SARS1: variants seen among roughly 807,000 people sequenced by gnomAD.
SARS1 encodes the protein serine--tRNA ligase, cytoplasmic.
A neutral mutation model predicts 63.7 loss-of-function variants in SARS1; 25 were observed. The ratio of observed to expected loss-of-function variants is 0.39; its 90% CI spans 0.29 to 0.55. SARS1 has a LOEUF of 0.55. Ranked by LOEUF, SARS1 falls within the 20% of genes least tolerant of loss-of-function variation. The pLI, the probability that SARS1 is intolerant of heterozygous loss-of-function variation, is 0.62. For missense variants in SARS1, 417 were observed against 649.7 expected (o/e 0.64, Z 3.89); for synonymous variants, 231 against 243.5 (o/e 0.95, Z 0.48).
intron 1 of SARS1, among the ~76,000 whole-genome samples, chr1:109,221,966 G>T (rs1483701328): frequency 1.1e-3 from 21 of 18,594 alleles, no homozygotes; most frequent in African/African-American, 3.3e-3. Flanking sequence ...TTTTTTGTGT[G>T]TGTGTATATA....
intron 1 of SARS1, among the ~76,000 whole-genome samples, chr1:109,221,960 T>TTTTTTTTGTGTGTGTATA (rs771565091): frequency 9.9e-5 from 1 of 10,060 alleles, no homozygotes. Context: ...GCTAATTTTT[T>TTTTTTTTGTGTGTGTATA]TGTGTGTGTG....
rs1056307886 is a variant in SARS1, at chr1:109,228,244, A to G, written c.208-108A>G. On this transcript the variant is annotated intron_variant, in intron 2 of 10. Coordinates refer to ENST00000234677, the MANE Select transcript of SARS1 (RefSeq NM_006513.4). ...TATCTTTTAGAAAAATTTATGTAAG[A>G]AGTTCTGTGATTCATTTATATAATA... 22 of 823,886 alleles carry G rather than the reference A, an allele frequency of 2.7e-5. No homozygotes were observed. In the East Asian group the frequency reaches 5.8e-4, roughly 22 times the overall value. 51.0% of individuals were successfully genotyped at this position (823,886 alleles called of 1,614,324 possible).
intron 9 of SARS1, 50 bp downstream of exon 9, chr1:109,236,598 G>C (rs372551105): frequency 1.8e-5 from 28 of 1,576,044 alleles, no homozygotes; most frequent in Non-Finnish European, 2.3e-5. Context: ...TACACGGCCC[G>C]TCCGAATTAT....
intron 8 of SARS1, 115 bp from the exon 9 acceptor site, chr1:109,236,276 T>A: frequency 7.6e-7 from 1 of 1,313,176 alleles, no homozygotes; most frequent in Admixed American, 2.2e-5. Flanking sequence ...AATATCTGGG[T>A]GTGATTTCAC....
rs980354914 is a variant in SARS1, at chr1:109,237,149, G to A, written c.1258-95G>A. 4 of 1,516,304 alleles carry A rather than the reference G, an allele frequency of 2.6e-6. No homozygotes were observed. Among genetic ancestry groups the A allele is most frequent in the East Asian group, 4.5e-5 (2 of 44,208 alleles). The allele number at this position is 1,516,304 out of a possible 1,614,324, so 93.9% of individuals were successfully genotyped here. On this transcript the variant is annotated intron_variant, in intron 9 of 10. Transcript: ENST00000234677. This position sits in a 1 kb window ranked among gnomAD's most constrained non-coding sequence, Gnocchi z 4.1. The stretch of plus-strand genomic sequence containing the variant: ...CATCATTTTGATTTGGACAGTTGTG[G>A]TTGGGGAAGTCTGGTTGAATGGATG...
intron 1 of SARS1, chr1:109,215,335 G>T (rs1024688896): frequency 1.0e-6 from 1 of 985,346 alleles, no homozygotes; most frequent in Non-Finnish European, 1.2e-6. Flanking sequence ...TCAGATTTTT[G>T]TGTCAGTCCA....
intron 1 of SARS1, chr1:109,216,914 T>C: frequency 1.0e-6 from 1 of 985,332 alleles, no homozygotes; most frequent in Non-Finnish European, 1.2e-6. Context: ...TGAGTCACCA[T>C]GCCCAGGCTA....
chr1:109,237,318 CCAGA>C lies in SARS1; in HGVS notation c.1337_1340del (p.Thr446ArgfsTer10), dbSNP rs1655334181. ...CCATCTGCGCCATCCTGGAGAACTA[CCAGA>C]CAGAGAAGGGCATCACTGTGCCTGA... is the stretch of plus-strand genomic sequence containing the variant. On this transcript the variant is annotated frameshift_variant, in exon 10 of 11. Coordinates refer to ENST00000234677, the MANE Select transcript of SARS1 (RefSeq NM_006513.4). LOFTEE classifies it high-confidence loss of function. The surrounding 1 kb of genome is among the most constrained non-coding windows in gnomAD (Gnocchi z 4.1). The C allele has an allele frequency of 6.2e-7, 1 of 1,614,198 alleles. No homozygotes were observed.
chr1:109,229,632 G>A, intron 4 of SARS1, 60 bp downstream of exon 4: 1 of 1,536,868 alleles, frequency 6.5e-7, no homozygotes, highest in South Asian at 1.2e-5. Context: ...TGCAGGGGCG[G>A]GGACGGGAGG....
intron 1 of SARS1, chr1:109,216,384 A>G (rs552885072): frequency 1.0e-6 from 1 of 985,416 alleles, no homozygotes; most frequent in Non-Finnish European, 1.2e-6. Flanking sequence ...ACTTGGAGTG[A>G]TAATACCACA....
Position 109,233,822 on chromosome 1 carries a change from G to A in SARS1, c.748-1388G>A, listed in dbSNP as rs367760988. On this transcript the variant is annotated intron_variant, in intron 6 of 10. Transcript: ENST00000234677. ...AGTGATTCTCATGCCTCAGCCTCCC[G>A]AGTAGCTGGGATTACAGGCGTCGCC... is the stretch of plus-strand genomic sequence containing the variant. Among the ~76,000 whole-genome samples the A allele has an allele frequency of 2.9e-4, 42 of 147,180 alleles. No individual in the cohort carries two copies. In the South Asian group the frequency reaches 3.9e-3, roughly 14 times the overall value.
rs774705929 is a variant in SARS1, at chr1:109,235,275, C to T, written c.813C>T (p.Thr271=). ...ATGATGAGAAGTACCTGATTGCCAC[C>T]TCAGAGCAGCCCATTGCTGCCCTGC... ...NSYDEKYLIA[T]SEQPIAALHR... The change falls in exon 7 of 11, where the codon ACC becomes ACT. Residue 271 remains threonine (T), a synonymous_variant. Transcript: ENST00000234677. The surrounding 1 kb of genome is among the most constrained non-coding windows in gnomAD (Gnocchi z 4.7). 6.2e-7 allele frequency: 1 copy of T among 1,614,024 alleles called. No homozygotes were observed. Among genetic ancestry groups the T allele is most frequent in the African/African-American group, 1.3e-5 (1 of 74,904 alleles).
intron 6 of SARS1, among the ~76,000 whole-genome samples, chr1:109,233,190 A>G (rs1314466163): frequency 3.3e-5 from 5 of 151,742 alleles, no homozygotes; most frequent in South Asian, 2.1e-4. Flanking sequence ...TTAATTTCCT[A>G]TGTAGAGACA....
At position 109,238,068 on chromosome 1, in the gene SARS1, G is replaced by A. The variant is rs980572578; in HGVS notation, c.*180G>A. 1 of 662,232 alleles carries A rather than the reference G, an allele frequency of 1.5e-6. No individual in the cohort carries two copies. The highest frequency in any genetic ancestry group is 3.9e-4 in the Middle Eastern group (1 of 2,534). 41.0% of individuals were successfully genotyped at this position (662,232 alleles called of 1,614,324 possible). ...TCCTGTCTCCTCGCATGGGCATAGG[G>A]ACCCATCATTGATGACTGATGAAAC... is the stretch of plus-strand genomic sequence containing the variant. On this transcript the variant is annotated 3_prime_UTR_variant, in exon 11 of 11. Coordinates refer to ENST00000234677, the MANE Select transcript of SARS1 (RefSeq NM_006513.4).
Position 109,213,928 on chromosome 1 carries a change from G to T in SARS1, c.-65G>T, listed in dbSNP as rs752647706. ...GGTCAGCGCGCCGGCGCAGTGCGGCGGTCACAGGCTGAGTGCTGCGGCGCG... is the reference window on the plus strand; with the variant it reads ...GGTCAGCGCGCCGGCGCAGTGCGGCTGTCACAGGCTGAGTGCTGCGGCGCG... On this transcript the variant is annotated 5_prime_UTR_variant, in exon 1 of 11. Coordinates refer to ENST00000234677, the MANE Select transcript of SARS1 (RefSeq NM_006513.4). The T allele has an allele frequency of 1.3e-6, 2 of 1,504,364 alleles. No homozygotes were observed. The highest frequency in any genetic ancestry group is 1.8e-6 in the Non-Finnish European group (2 of 1,122,752). The allele number at this position is 1,504,364 out of a possible 1,614,324, so 93.2% of individuals were successfully genotyped here. A position where few individuals can be genotyped will look rare whatever the true frequency, so the allele number is the denominator to read the frequency against.
At position 109,221,995 on chromosome 1, in the gene SARS1, TATATA is replaced by T. The variant is rs1654945906; in HGVS notation, c.137-1982_137-1978del. Among the ~76,000 whole-genome samples, 4 of 26,660 alleles carry T rather than the reference TATATA, an allele frequency of 1.5e-4. 2 individuals carry two copies. Among genetic ancestry groups the T allele is most frequent in the Non-Finnish European group, 2.3e-4 (4 of 17,412 alleles). 17.5% of individuals were successfully genotyped at this position (26,660 alleles called of 152,430 possible). A position where few individuals can be genotyped will look rare whatever the true frequency, so the allele number is the denominator to read the frequency against. On this transcript the variant is annotated intron_variant, in intron 1 of 10. Transcript: ENST00000234677. ...GTATATATATATATATATATATATA[TATATA>T]TATATATATATTTTTTTTTTTTTTT...
chr1:109,228,640 C>T (rs1263177727), intron 3 of SARS1, among the ~76,000 whole-genome samples: 2 of 152,128 alleles, frequency 1.3e-5, no homozygotes, highest in East Asian at 1.9e-4. Flanking sequence ...GTGGGAGAGT[C>T]GGAGAGTCAA....
At position 109,225,461 on chromosome 1, in the gene SARS1, C is replaced by T. The variant is rs2101192860; in HGVS notation, c.207+1413C>T. ...ACTCCTCCCTGGGTGTTCTTTGGGA[C>T]CTATGTACAGTCAGTGCCAGCTGGG... On this transcript the variant is annotated intron_variant, in intron 2 of 10. Transcript: ENST00000234677. 2.0e-5 allele frequency among the ~76,000 whole-genome samples: 3 copies of T among 152,190 alleles called. 1 individual carries two copies. The highest frequency in any genetic ancestry group is 2.1e-4 in the South Asian group (1 of 4,828).
chr1:109,231,602 C>G, intron 5 of SARS1, 29 bp from the exon 6 acceptor site: 2 of 1,386,130 alleles, frequency 1.4e-6, no homozygotes, highest in South Asian at 1.9e-5. Flanking sequence ...AAGACCCAAT[C>G]ACATAGTACT....
Sources: allele counts gnomAD v4.1 joint callset (sites outside exome capture counted in the v4.1 genomes callset), GRCh38; gene constraint gnomAD v4.1.1; non-coding constraint Gnocchi (gnomAD v3.1); transcripts MANE v1.5; gene names NCBI Gene and HGNC (gene_info 2026-07-23, HGNC 2026-07-21).